Variants in RPGRIP1L observed in about 807,000 individuals in gnomAD.
The protein encoded by RPGRIP1L is protein fantom.
A neutral mutation model predicts 160.4 loss-of-function variants in RPGRIP1L; 131 were observed. That is an observed-to-expected ratio of 0.82 (90% CI 0.71 to 0.94). RPGRIP1L has a LOEUF of 0.94. RPGRIP1L is among the 40% of genes least tolerant of loss of function. The pLI, the probability that RPGRIP1L is intolerant of heterozygous loss-of-function variation, is 0.00. For missense variants in RPGRIP1L, 1,522 were observed against 1,535.8 expected, an observed-to-expected ratio of 0.99 and a Z score of 0.15; for synonymous variants, 510 against 515.8, an observed-to-expected ratio of 0.99 and a Z score of 0.15.
intron 9 of RPGRIP1L, 102 bp from the exon 10 acceptor site, chr16:53,665,111 G>A: frequency 2.2e-6 from 3 of 1,394,572 alleles, no homozygotes; most frequent in Non-Finnish European, 3.0e-6. Context: ...CTGTCATCAT[G>A]TCTTAGGAAT....
chr16:53,661,464 T>G (rs1208476249), intron 10 of RPGRIP1L, among the ~76,000 whole-genome samples: 1 of 152,156 alleles, frequency 6.6e-6, no homozygotes, highest in Non-Finnish European at 1.5e-5. Context: ...ACTCTGTATG[T>G]TGATTAAATT....
chr16:53,658,511 T>C, intron 11 of RPGRIP1L, 47 bp from the exon 12 acceptor site: 7 of 1,396,774 alleles, frequency 5.0e-6, no homozygotes, highest in Admixed American at 1.7e-5. Flanking sequence ...GAATGGAAAA[T>C]ACAAGAGACA....
At position 53,673,083 on chromosome 16, in the gene RPGRIP1L, T is replaced by C. The variant is rs1968878337; in HGVS notation, c.883-67A>G. On this transcript the variant is annotated intron_variant, in intron 7 of 26. Transcript: ENST00000647211. Reference sequence around the variant, plus strand: ...TAAATGATTAAATTTGACTAAATGATTTGACTAAATGATTACAATTCTATA... The same window carrying C: ...TAAATGATTAAATTTGACTAAATGACTTGACTAAATGATTACAATTCTATA... 3.6e-6 allele frequency: 5 copies of C among 1,406,472 alleles called. No homozygotes were observed. The South Asian group carries it at 4.8e-5, about 13-fold the overall frequency. The allele number at this position is 1,406,472 out of a possible 1,614,324, so 87.1% of individuals were successfully genotyped here. A position where few individuals can be genotyped will look rare whatever the true frequency, so the allele number is the denominator to read the frequency against.
At position 53,691,426 on chromosome 16, in the gene RPGRIP1L, A is replaced by G. The variant is rs1452578236; in HGVS notation, c.529+640T>C. On this transcript the variant is annotated intron_variant, in intron 4 of 26. Transcript: ENST00000647211. ...AACTTGGGTACATTTTAGGTTATTA[A>G]TTTTTAAAGTGAACAAAGTGATTGG... is the stretch of plus-strand genomic sequence containing the variant. 2.0e-5 allele frequency among the ~76,000 whole-genome samples: 3 copies of G among 152,256 alleles called. 1 individual carries two copies. The highest frequency in any genetic ancestry group is 4.1e-4 in the South Asian group (2 of 4,826).
chr16:53,641,354 GA>G lies in RPGRIP1L; in HGVS notation c.2804del (p.Phe935SerfsTer22). On this transcript the variant is annotated frameshift_variant, in exon 18 of 27. Coordinates refer to ENST00000647211, the MANE Select transcript of RPGRIP1L (RefSeq NM_015272.5). LOFTEE classifies it high-confidence loss of function. ...GSITTEDLGNFIRSEEPEVVQ... is the reference protein window; with the variant it reads ...GSITTEDLGNXIRSEEPEVVQ... Reference sequence around the variant, plus strand: ...CAACTTCTGGCTCTTCGCTGCGAATGAAATTTCCTAAGTCTTCAGTTGTTAT... The same window carrying G: ...CAACTTCTGGCTCTTCGCTGCGAATGAATTTCCTAAGTCTTCAGTTGTTAT... The G allele has an allele frequency of 6.2e-7, 1 of 1,614,114 alleles. No homozygotes were observed. Among genetic ancestry groups the G allele is most frequent in the Non-Finnish European group, 8.5e-7 (1 of 1,179,990 alleles).
At chr16:53,694,514 T>C (rs1013140316) in intron 3 of RPGRIP1L, 7 of 152,052 alleles carry the variant, frequency 4.6e-5, no homozygotes, top group Non-Finnish European at 8.8e-5. Flanking sequence ...ATTTACTTTT[T>C]TGTTTTGTTT....
chr16:53,654,230 A>G (rs529797378), intron 14 of RPGRIP1L, among the ~76,000 whole-genome samples: 48 of 152,256 alleles, frequency 3.2e-4, no homozygotes, highest in Middle Eastern at 6.8e-3. Flanking sequence ...TCTTCAGGTT[A>G]ATAAGCTTCT....
intron 22 of RPGRIP1L, among the ~76,000 whole-genome samples, chr16:53,632,592 C>G (rs1379096342): frequency 6.6e-6 from 1 of 152,088 alleles, no homozygotes; most frequent in Non-Finnish European, 1.5e-5. Flanking sequence ...CTTCTATCCC[C>G]ATTCCTTAAA....
intron 6 of RPGRIP1L, among the ~76,000 whole-genome samples, chr16:53,676,493 GAAT>G (rs1171316060): frequency 6.6e-6 from 1 of 151,968 alleles, no homozygotes; most frequent in East Asian, 1.9e-4. Context: ...ATTTGCCCCA[GAAT>G]TACCTGGTTT....
chr16:53,700,626 C>CA lies in RPGRIP1L; in HGVS notation c.85+12dup. 10 of 1,597,850 alleles carry CA rather than the reference C, an allele frequency of 6.3e-6. No individual in the cohort carries two copies. Among genetic ancestry groups the CA allele is most frequent in the Non-Finnish European group, 8.6e-6 (10 of 1,166,276 alleles). On this transcript the variant is annotated intron_variant, in intron 2 of 26. Coordinates refer to ENST00000647211, the MANE Select transcript of RPGRIP1L (RefSeq NM_015272.5). Reference sequence around the variant, plus strand: ...CAAAGTTCATAACTGTAATAAATAACAGCTGGCCATACCTTGTAACCCTCC... The same window carrying CA: ...CAAAGTTCATAACTGTAATAAATAACAAGCTGGCCATACCTTGTAACCCTCC...
At chr16:53,644,178 A>G (rs1428588990) in intron 17 of RPGRIP1L, among the ~76,000 whole-genome samples, 2 of 152,190 alleles carry the variant, frequency 1.3e-5, no homozygotes, top group Non-Finnish European at 2.9e-5. Flanking sequence ...GTTGAAAAGT[A>G]TAATTACTGC....
At chr16:53,667,251 C>A (rs76237088) in intron 9 of RPGRIP1L, among the ~76,000 whole-genome samples, 1 of 152,126 alleles carries the variant, frequency 6.6e-6, no homozygotes, top group Non-Finnish European at 1.5e-5. Context: ...CCGGCATGTC[C>A]ACTGGCAGAC....
Position 53,675,085 on chromosome 16 carries a change from G to A in RPGRIP1L, c.814C>T (p.His272Tyr). ...IRDNVEMIKLHKQLVEKSNAL... is the reference protein window; with the variant it reads ...IRDNVEMIKLYKQLVEKSNAL... ...TTGCTTTTCTCTACTAGCTGTTTAT[G>A]AAGCTTAATCATTTCTACATTGTCC... is the stretch of plus-strand genomic sequence containing the variant. The change falls in exon 7 of 27, where the codon CAT becomes TAT. Residue 272 changes from histidine (H) to tyrosine (Y), a missense_variant. His to Tyr is a moderately conservative substitution (Grantham distance 83). Transcript: ENST00000647211. 2.5e-6 allele frequency: 4 copies of A among 1,611,590 alleles called. No homozygotes were observed. Among genetic ancestry groups the A allele is most frequent in the Non-Finnish European group, 3.4e-6 (4 of 1,178,812 alleles).
intron 4 of RPGRIP1L, among the ~76,000 whole-genome samples, chr16:53,691,478 A>C (rs1274491980): frequency 6.6e-6 from 1 of 152,214 alleles, no homozygotes; most frequent in Non-Finnish European, 1.5e-5. Context: ...GAGATGGAAG[A>C]GACCTTTATC....
rs763906859 is a variant in RPGRIP1L at position 53,619,241 on chromosome 16, G to T, written c.3433-33C>A. ...AAGAGCAAAAACAAAAAACAACAAA[G>T]AAATAAAATAATTGAACAAAAAGAT... On this transcript the variant is annotated intron_variant, in intron 23 of 26. Transcript: ENST00000647211. The T allele has an allele frequency of 1.1e-5, 17 of 1,583,346 alleles. No homozygotes were observed. In the East Asian group the frequency reaches 1.6e-4, roughly 15 times the overall value.
intron 23 of RPGRIP1L, among the ~76,000 whole-genome samples, chr16:53,621,042 A>C (rs1168509521): frequency 6.6e-6 from 1 of 152,212 alleles, no homozygotes; most frequent in Non-Finnish European, 1.5e-5. Flanking sequence ...AAAGTGCTAT[A>C]CATACTTATT....
At chr16:53,698,464 C>T (rs78865581) in intron 2 of RPGRIP1L, among the ~76,000 whole-genome samples, 5,816 of 145,408 alleles carry the variant, frequency 0.04, 292 homozygotes, top group Admixed American at 0.14. Context: ...CCTCTCTGCC[C>T]GGCCAGCCGC....
At chr16:53,658,345 T>C in intron 12 of RPGRIP1L, 69 bp downstream of exon 12, 1 of 1,100,372 alleles carries the variant, frequency 9.1e-7, no homozygotes, top group Non-Finnish European at 1.4e-6. Flanking sequence ...GGGTTACAGA[T>C]AAGGGTCATC....
At chr16:53,672,343 A>G (rs1308476479) in intron 8 of RPGRIP1L, among the ~76,000 whole-genome samples, 1 of 152,180 alleles carries the variant, frequency 6.6e-6, no homozygotes, top group Non-Finnish European at 1.5e-5. Context: ...TCCCAAGATC[A>G]GAACAGAATG....
Sources: gnomAD v4.1 joint callset for allele counts (sites outside exome capture counted in the v4.1 genomes callset) on GRCh38, gnomAD v4.1.1 for gene constraint, MANE v1.5 for transcripts, NCBI Gene and HGNC (gene_info 2026-07-23, HGNC 2026-07-21) for gene names.